The following TENM3 variants were observed in gnomAD, a reference collection of about 807,000 sequenced individuals.
The protein encoded by TENM3 is teneurin transmembrane protein 3.
TENM3 carries 63 observed loss-of-function variants against 255.1 expected under a neutral mutation model. The observed-to-expected ratio is 0.25, with a 90% CI of 0.20 to 0.30. The LOEUF is 0.30. Ranked by LOEUF, TENM3 falls within the 10% of genes least tolerant of loss-of-function variation. The pLI, the probability that TENM3 is intolerant of heterozygous loss-of-function variation, is 1.00. For synonymous variants in TENM3, 1,306 were observed against 1,322.3 expected (o/e 0.99, Z 0.27); for missense variants, 2,929 against 3,461.1 (o/e 0.85, Z 3.86).
At chr4:181,797,638 G>A in the TENM3 span, among the ~76,000 whole-genome samples, 1 of 152,148 alleles carries the variant, frequency 6.6e-6, no homozygotes, top group Admixed American at 6.5e-5. Context: ...TTGAGCCCAA[G>A]AAAGAGGACA....
At chr4:181,585,841 T>G in the TENM3 span, among the ~76,000 whole-genome samples, 6 of 152,278 alleles carry the variant, frequency 3.9e-5, no homozygotes, top group South Asian at 1.2e-3. Flanking sequence ...TCCTATTAAT[T>G]TAAACAGGAG....
At chr4:182,430,541 C>T (rs889659178) in intron 3 of TENM3, among the ~76,000 whole-genome samples, 15 of 151,968 alleles carry the variant, frequency 9.9e-5, no homozygotes, top group African/African-American at 3.6e-4. Flanking sequence ...GAGCAAGACT[C>T]CATCTCAAAC....
the TENM3 span, among the ~76,000 whole-genome samples, chr4:181,662,280 C>G: frequency 6.6e-6 from 1 of 152,238 alleles, no homozygotes; most frequent in South Asian, 2.1e-4. Flanking sequence ...TATTTGTATT[C>G]AATTCTGAGT....
chr4:182,726,419 C>T (rs768984959), intron 13 of TENM3, among the ~76,000 whole-genome samples: 9 of 114,180 alleles, frequency 7.9e-5, no homozygotes, highest in Non-Finnish European at 1.3e-4. Flanking sequence ...GCCCTTGCTC[C>T]GCTTGCCTGG....
At chr4:182,027,769 A>G in the TENM3 span, among the ~76,000 whole-genome samples, 1 of 151,928 alleles carries the variant, frequency 6.6e-6, no homozygotes, top group Non-Finnish European at 1.5e-5. Flanking sequence ...TATCACAATG[A>G]TTGATGTGCA....
chr4:181,512,334 AT>A, the TENM3 span, among the ~76,000 whole-genome samples: 15 of 152,136 alleles, frequency 9.9e-5, no homozygotes, highest in African/African-American at 3.6e-4. Flanking sequence ...ATTTTTCTCT[AT>A]ATTCCCAAAG....
At chr4:182,684,073 G>A (rs1272317162) in intron 11 of TENM3, among the ~76,000 whole-genome samples, 3 of 151,470 alleles carry the variant, frequency 2.0e-5, no homozygotes. Context: ...AGAGAAGTGA[G>A]AAATAGAAAA....
the TENM3 span, among the ~76,000 whole-genome samples, chr4:181,853,850 T>C: frequency 6.6e-6 from 1 of 152,232 alleles, no homozygotes; most frequent in African/African-American, 2.4e-5. Context: ...TGGCAAACTA[T>C]GCTGAACGAT....
At chr4:182,618,373 C>T (rs972074088) in intron 4 of TENM3, among the ~76,000 whole-genome samples, 2 of 152,008 alleles carry the variant, frequency 1.3e-5, no homozygotes, top group African/African-American at 4.8e-5. Context: ...CCTAGTGACT[C>T]CTATAAGCTT....
chr4:182,324,179 T>TTCCTCGCGGCTGCTTTACGGG lies in TENM3; in HGVS notation c.179_180insGTCCTCGCGGCTGCTTTACGG (p.Ser54_Gly60dup). 1 of 1,613,992 alleles carries TTCCTCGCGGCTGCTTTACGGG rather than the reference T, an allele frequency of 6.2e-7. No homozygotes were observed. The highest frequency in any genetic ancestry group is 8.5e-7 in the Non-Finnish European group (1 of 1,179,896). On this transcript the variant is annotated inframe_insertion, in exon 2 of 28. Transcript: ENST00000511685. ...AGACATTGAAAGCTTTTGATCATGA[T>TTCCTCGCGGCTGCTTTACGGG]TCCTCGCGGCTGCTTTACGGCAACA...
At position 182,800,360 on chromosome 4, in the gene TENM3, C is replaced by A; in HGVS notation, c.*9C>A. ...AGATCGGCAGGAGGTAACGCCCGGG[C>A]CGCGCCCGCCGAGCCGCTCACGCCC... On this transcript the variant is annotated 3_prime_UTR_variant, in exon 28 of 28. Coordinates refer to ENST00000511685, the MANE Select transcript of TENM3 (RefSeq NM_001080477.4). 1 of 1,505,254 alleles carries A rather than the reference C, an allele frequency of 6.6e-7. No homozygotes were observed. Among genetic ancestry groups the A allele is most frequent in the Non-Finnish European group, 8.8e-7 (1 of 1,132,326 alleles). The allele number at this position is 1,505,254 out of a possible 1,614,324, so 93.2% of individuals were successfully genotyped here. A position where few individuals can be genotyped will look rare whatever the true frequency, so the allele number is the denominator to read the frequency against.
the TENM3 span, among the ~76,000 whole-genome samples, chr4:181,655,422 AC>A: frequency 6.6e-6 from 1 of 152,206 alleles, no homozygotes; most frequent in African/African-American, 2.4e-5. Context: ...CTCTGACACA[AC>A]AAAGCTGTAC....
At chr4:182,196,892 C>T (rs73001441) in intron 1 of TENM3, among the ~76,000 whole-genome samples, 1,738 of 152,268 alleles carry the variant, frequency 0.011, 33 homozygotes, top group African/African-American at 0.04. Flanking sequence ...ACTGGTCCTT[C>T]TTGTTTCCTT....
At chr4:182,426,680 C>T (rs1485108093) in intron 3 of TENM3, among the ~76,000 whole-genome samples, 1 of 151,916 alleles carries the variant, frequency 6.6e-6, no homozygotes, top group Non-Finnish European at 1.5e-5. Context: ...TTTTTAGGGC[C>T]CAGATCATTT....
intron 1 of TENM3, among the ~76,000 whole-genome samples, chr4:182,164,605 A>C (rs1751585352): frequency 6.6e-6 from 1 of 152,218 alleles, no homozygotes; most frequent in Admixed American, 6.5e-5. Flanking sequence ...AAAACAGTGC[A>C]TAAAACATAA....
the TENM3 span, among the ~76,000 whole-genome samples, chr4:181,738,368 C>T: frequency 6.6e-6 from 1 of 152,144 alleles, no homozygotes; most frequent in Non-Finnish European, 1.5e-5. Flanking sequence ...CCAGAGCTTT[C>T]CTTGCTTTCT....
At chr4:181,453,099 C>G in the TENM3 span, among the ~76,000 whole-genome samples, 98 of 152,154 alleles carry the variant, frequency 6.4e-4, no homozygotes, top group Non-Finnish European at 1.2e-3. Flanking sequence ...AAACTCAGAT[C>G]TTTGTATTAA....
chr4:182,517,247 A>G (rs1321326877), intron 3 of TENM3, among the ~76,000 whole-genome samples: 1 of 152,176 alleles, frequency 6.6e-6, no homozygotes, highest in Non-Finnish European at 1.5e-5. Flanking sequence ...ACCATAATCT[A>G]AAAGTAGGGA....
the TENM3 span, among the ~76,000 whole-genome samples, chr4:181,629,396 C>T: frequency 3.9e-5 from 6 of 152,020 alleles, no homozygotes; most frequent in South Asian, 4.2e-4. Context: ...GGTGAGAGAG[C>T]GCATCCCTGT....
Sources: gnomAD v4.1 joint callset for allele counts (sites outside exome capture counted in the v4.1 genomes callset) on GRCh38, gnomAD v4.1.1 for gene constraint, MANE v1.5 for transcripts, NCBI Gene and HGNC (gene_info 2026-07-23, HGNC 2026-07-21) for gene names.